ARID5B: variants seen among roughly 807,000 people sequenced by gnomAD.
ARID5B encodes the protein AT-rich interactive domain-containing protein 5B.
Under a neutral mutation model 97.2 loss-of-function variants are expected in ARID5B, and 13 were observed. The ratio of observed to expected loss-of-function variants is 0.13; its 90% CI spans 0.09 to 0.21. The LOEUF is 0.21. ARID5B is among the 10% of genes least tolerant of loss of function. ARID5B has a pLI of 1.00. For synonymous variants in ARID5B, 556 were observed against 570.3 expected, an observed-to-expected ratio of 0.97 and a Z score of 0.36; for missense variants, 1,210 against 1,465.3, an observed-to-expected ratio of 0.83 and a Z score of 2.84.
intron 2 of ARID5B, among the ~76,000 whole-genome samples, chr10:61,909,411 C>T (rs1436385123): frequency 6.6e-6 from 1 of 150,950 alleles, no homozygotes; most frequent in Non-Finnish European, 1.5e-5. Flanking sequence ...CTGCCAGCTC[C>T]GCCTCCCGGG....
chr10:61,947,295 G>A (rs1326951996), intron 3 of ARID5B, among the ~76,000 whole-genome samples: 7 of 123,232 alleles, frequency 5.7e-5, no homozygotes, highest in Non-Finnish European at 1.2e-4. Flanking sequence ...TTGAGACAGG[G>A]TCTCACTGCA....
intron 3 of ARID5B, among the ~76,000 whole-genome samples, chr10:61,973,392 CA>C (rs1347424703): frequency 6.6e-6 from 1 of 152,162 alleles, no homozygotes; most frequent in Non-Finnish European, 1.5e-5. Flanking sequence ...ATGCTGATAT[CA>C]GGGGCTCCAG....
At chr10:61,984,707 A>G (rs1838823265) in intron 3 of ARID5B, among the ~76,000 whole-genome samples, 2 of 152,202 alleles carry the variant, frequency 1.3e-5, no homozygotes, top group Non-Finnish European at 2.9e-5. Flanking sequence ...TGCCTTCAGG[A>G]TTTAATAGAA....
chr10:61,994,416 C>T (rs1838969434), intron 3 of ARID5B, among the ~76,000 whole-genome samples: 1 of 152,102 alleles, frequency 6.6e-6, no homozygotes, highest in Non-Finnish European at 1.5e-5. Flanking sequence ...CAAATTTCTC[C>T]TCTGGAATTT....
intron 3 of ARID5B, among the ~76,000 whole-genome samples, chr10:61,954,227 C>T (rs1025887061): frequency 1.3e-5 from 2 of 151,644 alleles, no homozygotes; most frequent in Admixed American, 1.3e-4. Flanking sequence ...CATGGTGGCG[C>T]GTGCCTGTAA....
rs555196935 is a variant in ARID5B, at chr10:61,920,471, T to C, written c.276+18058T>C. 3.3e-5 allele frequency among the ~76,000 whole-genome samples: 5 copies of C among 152,220 alleles called. No individual in the cohort carries two copies. In the East Asian group the frequency reaches 9.7e-4, roughly 29 times the overall value. ...CCTCAGCCTCCTGAGTAGCTGGGAT[T>C]ACAGGCGTGTGCCACCATGCCTGAC... On this transcript the variant is annotated intron_variant, in intron 2 of 9. Transcript: ENST00000279873.
chr10:61,922,280 A>G (rs1347775863), intron 2 of ARID5B, among the ~76,000 whole-genome samples: 1 of 152,070 alleles, frequency 6.6e-6, no homozygotes, highest in African/African-American at 2.4e-5. Flanking sequence ...TGTAGCTGAT[A>G]TAAACAGGCT....
intron 4 of ARID5B, among the ~76,000 whole-genome samples, chr10:62,008,588 C>T (rs1447882677): frequency 6.6e-6 from 1 of 152,224 alleles, no homozygotes; most frequent in Admixed American, 6.5e-5. Flanking sequence ...TCAAGAAACC[C>T]TGGTGCCAGC....
At chr10:61,960,191 G>A (rs890824397) in intron 3 of ARID5B, among the ~76,000 whole-genome samples, 1 of 151,926 alleles carries the variant, frequency 6.6e-6, no homozygotes, top group Non-Finnish European at 1.5e-5. Context: ...TATAAATTTT[G>A]ACAACAGGAG....
chr10:61,995,220 T>A (rs1564622848), intron 3 of ARID5B, among the ~76,000 whole-genome samples: 1 of 152,206 alleles, frequency 6.6e-6, no homozygotes, highest in Non-Finnish European at 1.5e-5. Flanking sequence ...ACAAAACAAA[T>A]GTGCAATTTA....
intron 3 of ARID5B, among the ~76,000 whole-genome samples, chr10:61,979,953 C>T (rs755242806): frequency 7.2e-5 from 11 of 152,024 alleles, no homozygotes; most frequent in African/African-American, 1.2e-4. Context: ...ATTAGCCAAG[C>T]GTGGTGGCAC....
chr10:62,084,400 T>C (rs987130497), intron 8 of ARID5B, among the ~76,000 whole-genome samples: 1 of 152,204 alleles, frequency 6.6e-6, no homozygotes, highest in African/African-American at 2.4e-5. Flanking sequence ...AGCAAACCAA[T>C]ATCCAGACCA....
intron 4 of ARID5B, among the ~76,000 whole-genome samples, chr10:62,003,015 G>A (rs1839100558): frequency 6.6e-6 from 1 of 152,210 alleles, no homozygotes; most frequent in South Asian, 2.1e-4. Context: ...TTTGACACAT[G>A]AAATTCATAA....
intron 8 of ARID5B, among the ~76,000 whole-genome samples, chr10:62,073,983 C>A (rs2132960285): frequency 6.6e-6 from 1 of 152,314 alleles, no homozygotes; most frequent in East Asian, 1.9e-4. Flanking sequence ...TTATGGAATT[C>A]TCTTAGCTTG....
At chr10:61,970,948 G>C (rs1342325306) in intron 3 of ARID5B, among the ~76,000 whole-genome samples, 1 of 151,104 alleles carries the variant, frequency 6.6e-6, no homozygotes, top group African/African-American at 2.4e-5. Context: ...GAGAAAAGGA[G>C]GAGGGGTATT....
At chr10:62,025,283 G>T (rs1187392235) in intron 4 of ARID5B, 1 of 152,078 alleles carries the variant, frequency 6.6e-6, no homozygotes, top group Admixed American at 6.5e-5. Context: ...TTACATCTTT[G>T]TGATTCATTT....
intron 4 of ARID5B, among the ~76,000 whole-genome samples, chr10:62,014,860 T>C (rs140485433): frequency 2.6e-5 from 4 of 152,304 alleles, no homozygotes; most frequent in Non-Finnish European, 5.9e-5. Context: ...TACAGAACAT[T>C]CTGCATCTAT....
chr10:62,036,466 G>C (rs1405859082), intron 4 of ARID5B, among the ~76,000 whole-genome samples: 1 of 152,154 alleles, frequency 6.6e-6, no homozygotes, highest in Non-Finnish European at 1.5e-5. Context: ...CAAGTGTTTT[G>C]CTGCTAGTAC....
At position 62,093,345 on chromosome 10, in the gene ARID5B, T is replaced by A. The variant is rs1001531696; in HGVS notation, c.*315T>A. 3.3e-6 allele frequency: 1 copy of A among 301,702 alleles called. No homozygotes were observed. The highest frequency in any genetic ancestry group is 2.1e-5 in the African/African-American group (1 of 47,064). 18.7% of individuals were successfully genotyped at this position (301,702 alleles called of 1,614,324 possible). On this transcript the variant is annotated 3_prime_UTR_variant, in exon 10 of 10. Coordinates refer to ENST00000279873, the MANE Select transcript of ARID5B (RefSeq NM_032199.3). The stretch of plus-strand genomic sequence containing the variant: ...CAGGAAGAACTTAGAGGACCCCATC[T>A]GAGTTCGGATGGTCAGGAAACAATC...
Sources: gnomAD v4.1 joint callset for allele counts (sites outside exome capture counted in the v4.1 genomes callset) on GRCh38, gnomAD v4.1.1 for gene constraint, MANE v1.5 for transcripts, NCBI Gene and HGNC (gene_info 2026-07-23, HGNC 2026-07-21) for gene names.